Variants in DPYS observed in about 807,000 individuals in gnomAD.
DPYS encodes dihydropyrimidinase.
In DPYS, 39 loss-of-function variants were observed where a neutral mutation model predicts 50.3. That is an observed-to-expected ratio of 0.78 (90% CI 0.60 to 1.01). The LOEUF (loss-of-function observed/expected upper bound fraction) is 1.01. Ranked by LOEUF, DPYS falls within the 50% of genes least tolerant of loss-of-function variation. The pLI is 0.00. For missense variants in DPYS, 659 were observed against 680.9 expected (o/e 0.97, Z 0.36); for synonymous variants, 245 against 250.7 (o/e 0.98, Z 0.22).
intron 7 of DPYS, among the ~76,000 whole-genome samples, chr8:104,418,365 T>C (rs979768341): frequency 2.0e-5 from 3 of 152,144 alleles, no homozygotes; most frequent in African/African-American, 7.2e-5. Context: ...TCCTGCACAT[T>C]ACCAGCCTGC....
intron 8 of DPYS, among the ~76,000 whole-genome samples, chr8:104,387,464 A>T (rs1307643314): frequency 6.6e-6 from 1 of 152,136 alleles, no homozygotes; most frequent in African/African-American, 2.4e-5. Context: ...CTCTGTGCAG[A>T]GGGGAGACTG....
intron 1 of DPYS, among the ~76,000 whole-genome samples, chr8:104,460,230 C>G (rs191615980): frequency 6.6e-6 from 1 of 152,296 alleles, no homozygotes; most frequent in East Asian, 1.9e-4. Flanking sequence ...CCACCCAAAT[C>G]TCAAGTTGAA....
chr8:104,441,788 C>T (rs71520886), intron 4 of DPYS, among the ~76,000 whole-genome samples: 13,642 of 152,266 alleles, frequency 0.09, 819 homozygotes, highest in Non-Finnish European at 0.12. Context: ...TGTGGTTTCT[C>T]TTGAAACAGC....
chr8:104,399,973 G>T (rs1397938613), intron 7 of DPYS, among the ~76,000 whole-genome samples: 1 of 151,896 alleles, frequency 6.6e-6, no homozygotes, highest in Non-Finnish European at 1.5e-5. Context: ...CCAAGAGATG[G>T]GCAATTGCAT....
chr8:104,463,256 A>C (rs1814234924), intron 1 of DPYS, among the ~76,000 whole-genome samples: 1 of 152,228 alleles, frequency 6.6e-6, no homozygotes, highest in Non-Finnish European at 1.5e-5. Context: ...CTATAAATGT[A>C]TGTATTATAC....
chr8:104,381,948 A>C (rs1007949729), intron 8 of DPYS, among the ~76,000 whole-genome samples: 8 of 152,096 alleles, frequency 5.3e-5, no homozygotes, highest in Middle Eastern at 3.2e-3. Context: ...AATACATTGT[A>C]GTGATCAACA....
intron 5 of DPYS, among the ~76,000 whole-genome samples, chr8:104,428,941 G>A (rs182293678): frequency 5.3e-5 from 8 of 151,396 alleles, no homozygotes; most frequent in Admixed American, 3.9e-4. Context: ...AGTGATTCTC[G>A]TGCCTCAGCC....
chr8:104,392,294 G>A (rs6989588), intron 8 of DPYS, among the ~76,000 whole-genome samples: 53,535 of 152,000 alleles, frequency 0.35, 12,356 homozygotes, highest in African/African-American at 0.65. Flanking sequence ...AGGACTCCCT[G>A]ACGGCCTTTT....
chr8:104,458,266 C>T (rs893799096), intron 1 of DPYS, among the ~76,000 whole-genome samples: 11 of 152,126 alleles, frequency 7.2e-5, no homozygotes, highest in Non-Finnish European at 1.6e-4. Context: ...CAATTGTTGC[C>T]CAACCCATAA....
rs28541850 is a variant in DPYS, at chr8:104,415,093, T to C, written c.1235+9154A>G. 5.6e-3 allele frequency among the ~76,000 whole-genome samples: 856 copies of C among 152,332 alleles called. 1 individual carries two copies. The highest frequency in any genetic ancestry group is 0.019 in the African/African-American group (789 of 41,576). On this transcript the variant is annotated intron_variant, in intron 7 of 9. Coordinates refer to ENST00000351513, the MANE Select transcript of DPYS (RefSeq NM_001385.3). Reference sequence around the variant, plus strand: ...GTTAAATCACACATTTGTCCATTAGTATCTGGTTTCTTCACTCAACAAATG... The same window carrying C: ...GTTAAATCACACATTTGTCCATTAGCATCTGGTTTCTTCACTCAACAAATG...
In DPYS at chr8:104,460,614, G is replaced by C. The variant is rs567494019; in HGVS notation, c.264+6043C>G. 4.9e-3 allele frequency among the ~76,000 whole-genome samples: 741 copies of C among 152,274 alleles called. 6 individuals are homozygous for C. The highest frequency in any genetic ancestry group is 0.011 in the Admixed American group (171 of 15,288). On this transcript the variant is annotated intron_variant, in intron 1 of 9. Transcript: ENST00000351513. Reference sequence around the variant, plus strand: ...GCCAGACATGTGAGAGAGAAAACAAGGGGTGGAGGTGAAAAGCATGAACTA... The same window carrying C: ...GCCAGACATGTGAGAGAGAAAACAACGGGTGGAGGTGAAAAGCATGAACTA...
chr8:104,467,031 G>GAGCTCTGC lies in DPYS; in HGVS notation c.-119_-112dup. The GAGCTCTGC allele has an allele frequency of 7.8e-7, 1 of 1,276,176 alleles. No individual in the cohort carries two copies. The highest frequency in any genetic ancestry group is 1.0e-6 in the Non-Finnish European group (1 of 991,024). The allele number at this position is 1,276,176 out of a possible 1,614,324, so 79.1% of individuals were successfully genotyped here. A position where few individuals can be genotyped will look rare whatever the true frequency, so the allele number is the denominator to read the frequency against. ...TGCAAGGTCCCCACCGACAGCCCCC[G>GAGCTCTGC]AGCTCTGCCTCAGGCTGCAAATCCG... On this transcript the variant is annotated 5_prime_UTR_variant, in exon 1 of 10. Transcript: ENST00000351513.
chr8:104,446,076 AT>A (rs1215620558), intron 3 of DPYS, among the ~76,000 whole-genome samples: 2 of 152,152 alleles, frequency 1.3e-5, no homozygotes, highest in African/African-American at 4.8e-5. Flanking sequence ...CAAATAAAAA[AT>A]AATTGCACCA....
intron 1 of DPYS, among the ~76,000 whole-genome samples, chr8:104,455,217 T>G (rs1031603019): frequency 9.9e-5 from 15 of 151,518 alleles, no homozygotes; most frequent in Admixed American, 7.2e-4. Context: ...AATGGCAGGG[T>G]TGGAATCTGA....
intron 1 of DPYS, among the ~76,000 whole-genome samples, chr8:104,459,384 C>A (rs1450003286): frequency 1.3e-5 from 2 of 152,108 alleles, no homozygotes; most frequent in African/African-American, 4.8e-5. Flanking sequence ...GATTAGAGAC[C>A]CATATACCTC....
intron 7 of DPYS, chr8:104,421,329 G>A (rs182057326): frequency 6.6e-6 from 1 of 152,112 alleles, no homozygotes; most frequent in South Asian, 2.1e-4. Context: ...GTGAAGGATG[G>A]AAATCATACA....
intron 4 of DPYS, among the ~76,000 whole-genome samples, chr8:104,435,898 C>T (rs900356192): frequency 2.6e-4 from 40 of 151,880 alleles, no homozygotes; most frequent in African/African-American, 9.0e-4. Context: ...GATGGGATGG[C>T]AATAATTCAT....
intron 7 of DPYS, among the ~76,000 whole-genome samples, chr8:104,404,915 GA>G (rs2140555217): frequency 6.6e-6 from 1 of 152,102 alleles, no homozygotes; most frequent in South Asian, 2.1e-4. Flanking sequence ...CCCCTGCTCT[GA>G]ATATCTCTAG....
At chr8:104,450,568 T>C (rs1263057751) in intron 2 of DPYS, among the ~76,000 whole-genome samples, 8 of 152,238 alleles carry the variant, frequency 5.3e-5, no homozygotes, top group African/African-American at 1.4e-4. Flanking sequence ...TTTTAACATC[T>C]CTCAGAACTG....
Sources: gnomAD v4.1 joint callset for allele counts (sites outside exome capture counted in the v4.1 genomes callset) on GRCh38, gnomAD v4.1.1 for gene constraint, MANE v1.5 for transcripts, NCBI Gene and HGNC (gene_info 2026-07-23, HGNC 2026-07-21) for gene names.